CEP128: variants seen among roughly 807,000 people sequenced by gnomAD.
The protein encoded by CEP128 is centrosomal protein 128kDa.
A neutral mutation model predicts 156.7 loss-of-function variants in CEP128; 132 were observed. The observed-to-expected ratio is 0.84, with a 90% CI of 0.73 to 0.97. CEP128 has a LOEUF of 0.97. CEP128 is among the 50% of genes least tolerant of loss of function. CEP128 has a pLI of 0.00. For synonymous variants in CEP128, 469 were observed against 448.9 expected (o/e 1.04, Z -0.57); for missense variants, 1,252 against 1,281.9 (o/e 0.98, Z 0.36).
chr14:80,792,693 C>A, intron 14 of CEP128, 67 bp downstream of exon 14: 1 of 1,332,788 alleles, frequency 7.5e-7, no homozygotes. Flanking sequence ...AGTGTTTTTT[C>A]AAAGGATAGA....
At chr14:80,922,539 T>C (rs1195552018) in intron 2 of CEP128, among the ~76,000 whole-genome samples, 2 of 152,232 alleles carry the variant, frequency 1.3e-5, no homozygotes, top group African/African-American at 4.8e-5. Flanking sequence ...TAAAAATATA[T>C]TAATGTGTAC....
intron 8 of CEP128, among the ~76,000 whole-genome samples, chr14:80,890,945 G>A (rs1168461939): frequency 6.6e-6 from 1 of 152,008 alleles, no homozygotes; most frequent in Non-Finnish European, 1.5e-5. Context: ...TATACAAAAA[G>A]GTGCTCAAGA....
At chr14:80,567,762 A>G (rs999979673) in intron 20 of CEP128, among the ~76,000 whole-genome samples, 3 of 152,112 alleles carry the variant, frequency 2.0e-5, no homozygotes, top group African/African-American at 7.2e-5. Context: ...GAGAACAACT[A>G]AAGATTATTT....
chr14:80,718,205 G>A (rs1314850285), intron 19 of CEP128, among the ~76,000 whole-genome samples: 3 of 152,166 alleles, frequency 2.0e-5, no homozygotes, highest in South Asian at 2.1e-4. Flanking sequence ...AGTCTTACAC[G>A]ATTCAGTAGT....
intron 9 of CEP128, among the ~76,000 whole-genome samples, chr14:80,847,331 T>C (rs1886657740): frequency 6.6e-6 from 1 of 152,172 alleles, no homozygotes; most frequent in African/African-American, 2.4e-5. Flanking sequence ...TCAATCATTC[T>C]TCACCATCCA....
At chr14:80,597,948 T>TAAAA (rs202140927) in intron 19 of CEP128, among the ~76,000 whole-genome samples, 4 of 26,626 alleles carry the variant, frequency 1.5e-4, no homozygotes, top group Non-Finnish European at 2.8e-4. Flanking sequence ...ATTCCTCAGC[T>TAAAA]ACAAAAAAAA....
At chr14:80,790,776 C>A (rs1388709878) in intron 14 of CEP128, among the ~76,000 whole-genome samples, 5 of 151,286 alleles carry the variant, frequency 3.3e-5, no homozygotes, top group Non-Finnish European at 5.9e-5. Flanking sequence ...AGTAACAAAT[C>A]TTAAAGCAGA....
intron 19 of CEP128, among the ~76,000 whole-genome samples, chr14:80,627,274 A>G (rs1490020130): frequency 3.9e-5 from 6 of 152,264 alleles, no homozygotes; most frequent in African/African-American, 9.6e-5. Context: ...CAGTACAATC[A>G]TCAAGATTGA....
At chr14:80,884,608 G>GGGACTGTGCTGTGAA (rs1421887129) in intron 8 of CEP128, among the ~76,000 whole-genome samples, 1 of 152,150 alleles carries the variant, frequency 6.6e-6, no homozygotes, top group African/African-American at 2.4e-5. Context: ...TGTGCTGTGA[G>GGGACTGTGCTGTGAA]GGACTGTGCT....
At chr14:80,816,569 A>C (rs909232397) in intron 13 of CEP128, among the ~76,000 whole-genome samples, 1 of 152,226 alleles carries the variant, frequency 6.6e-6, no homozygotes, top group Non-Finnish European at 1.5e-5. Context: ...TCATTCTGGC[A>C]GGAAGCAGAC....
chr14:80,772,023 T>C (rs1900536145), intron 16 of CEP128, among the ~76,000 whole-genome samples: 1 of 152,194 alleles, frequency 6.6e-6, no homozygotes, highest in Non-Finnish European at 1.5e-5. Context: ...TGTTTAAAAT[T>C]CTTATAAACT....
intron 14 of CEP128, among the ~76,000 whole-genome samples, chr14:80,786,176 A>C (rs1566625246): frequency 6.6e-6 from 1 of 152,212 alleles, no homozygotes; most frequent in Non-Finnish European, 1.5e-5. Context: ...CTAGAAGTCC[A>C]TCATTCTATG....
At chr14:80,834,223 T>C (rs1420319158) in intron 12 of CEP128, among the ~76,000 whole-genome samples, 1 of 151,772 alleles carries the variant, frequency 6.6e-6, no homozygotes, top group African/African-American at 2.4e-5. Flanking sequence ...GCAAAAAGAT[T>C]CAAATACAAA....
At chr14:80,901,672 C>T (rs1033884315) in intron 6 of CEP128, among the ~76,000 whole-genome samples, 3 of 152,174 alleles carry the variant, frequency 2.0e-5, no homozygotes, top group African/African-American at 7.2e-5. Flanking sequence ...GCATCCTTGA[C>T]ACCTCCTTTT....
At chr14:80,817,326 A>G (rs563533196) in intron 13 of CEP128, among the ~76,000 whole-genome samples, 1 of 152,320 alleles carries the variant, frequency 6.6e-6, no homozygotes, top group East Asian at 1.9e-4. Context: ...AAGTTACAAG[A>G]CATGCAAGGA....
In CEP128 at chr14:80,761,474, C is replaced by CACA; in HGVS notation, c.2515_2516insTGT (p.Ala838_Cys839insLeu). On this transcript the variant is annotated inframe_insertion, in exon 17 of 25. Coordinates refer to ENST00000555265, the MANE Select transcript of CEP128 (RefSeq NM_152446.5). ...CACTGAGTCCTTGGAGAATGTTTTA[C>CACA]AAGCTGCATCAATTTCCTTTCCTAT... 1 of 1,611,360 alleles carries CACA rather than the reference C, an allele frequency of 6.2e-7. No homozygotes were observed. The highest frequency in any genetic ancestry group is 1.7e-5 in the Admixed American group (1 of 59,918).
intron 16 of CEP128, among the ~76,000 whole-genome samples, chr14:80,765,174 C>A (rs918303163): frequency 3.3e-5 from 5 of 152,232 alleles, no homozygotes; most frequent in Non-Finnish European, 5.9e-5. Flanking sequence ...ATAGAGTCAA[C>A]AAACATTTGC....
intron 16 of CEP128, among the ~76,000 whole-genome samples, chr14:80,768,766 T>C (rs954648960): frequency 6.6e-6 from 1 of 152,168 alleles, no homozygotes; most frequent in Non-Finnish European, 1.5e-5. Context: ...ATCAAAAAAA[T>C]GGAAATTCTA....
At chr14:80,934,033 G>A (rs1480538348) in intron 2 of CEP128, among the ~76,000 whole-genome samples, 1 of 152,122 alleles carries the variant, frequency 6.6e-6, no homozygotes, top group Non-Finnish European at 1.5e-5. Context: ...CTACCATTAG[G>A]ATCCATGCAA....
Sources: gnomAD v4.1 joint callset for allele counts (sites outside exome capture counted in the v4.1 genomes callset) on GRCh38, gnomAD v4.1.1 for gene constraint, MANE v1.5 for transcripts, NCBI Gene and HGNC (gene_info 2026-07-23, HGNC 2026-07-21) for gene names.